TRPV4: variants seen among roughly 807,000 people sequenced by gnomAD.
TRPV4 encodes the protein OSM9-like transient receptor potential channel 4.
TRPV4 carries 58 observed loss-of-function variants against 84.1 expected under a neutral mutation model. The ratio of observed to expected loss-of-function variants is 0.69; its 90% CI spans 0.56 to 0.86. TRPV4 has a LOEUF of 0.86. Among genes scored for constraint, TRPV4 ranks in the 40% least tolerant of loss-of-function variants. The probability of loss-of-function intolerance (pLI) is 0.00; values close to 1 mark genes in which losing one functional copy is unlikely to be tolerated. For synonymous variants in TRPV4, 489 were observed against 500.9 expected, an observed-to-expected ratio of 0.98 and a Z score of 0.32; for missense variants, 879 against 1,181.1, an observed-to-expected ratio of 0.74 and a Z score of 3.75.
chr12:109,826,108 C>T (rs891410716), intron 1 of TRPV4, among the ~76,000 whole-genome samples: 2 of 152,194 alleles, frequency 1.3e-5, no homozygotes, highest in African/African-American at 2.4e-5. Context: ...ACTGCAGCCT[C>T]GACCTCCCAG....
chr12:109,813,745 GGATA>G (rs1043852489), intron 2 of TRPV4, among the ~76,000 whole-genome samples: 19 of 151,636 alleles, frequency 1.3e-4, no homozygotes, highest in African/African-American at 2.4e-4. Flanking sequence ...GATGATGGGT[GGATA>G]GATAGATGAT....
chr12:109,813,627 A>C (rs1484345290), intron 2 of TRPV4, among the ~76,000 whole-genome samples: 1 of 152,118 alleles, frequency 6.6e-6, no homozygotes, highest in African/African-American at 2.4e-5. Context: ...TGTCCTATGG[A>C]AGGGTGGACA....
chr12:109,808,557 G>A (rs1435255963), intron 2 of TRPV4, 89 bp from the exon 3 acceptor site: 1 of 1,343,952 alleles, frequency 7.4e-7, no homozygotes, highest in African/African-American at 1.5e-5. Context: ...AGACTGTGGT[G>A]GCGGGCAGGC....
In TRPV4 at chr12:109,796,420, T is replaced by C; in HGVS notation, c.1332+105A>G. 1 of 1,358,066 alleles carries C rather than the reference T, an allele frequency of 7.4e-7. No homozygotes were observed. The allele number at this position is 1,358,066 out of a possible 1,614,324, so 84.1% of individuals were successfully genotyped here. On this transcript the variant is annotated intron_variant, in intron 7 of 15. Transcript: ENST00000261740. This position sits in a 1 kb window ranked among gnomAD's most constrained non-coding sequence, Gnocchi z 4.2. ...CAGCCAACAGACCCACCACGTTGGG[T>C]CCTAGAGGCTGGGGCTGTCTCCCCC...
intron 3 of TRPV4, among the ~76,000 whole-genome samples, chr12:109,806,885 A>C (rs1215660600): frequency 6.6e-6 from 1 of 150,700 alleles, no homozygotes; most frequent in Non-Finnish European, 1.5e-5. Context: ...AAAAAAAAAA[A>C]AAAACAGGTT....
chr12:109,809,950 C>T (rs1226832867), intron 2 of TRPV4, among the ~76,000 whole-genome samples: 5 of 152,166 alleles, frequency 3.3e-5, no homozygotes, highest in African/African-American at 9.7e-5. Context: ...TTGATATTAC[C>T]ATTATTAATG....
At chr12:109,804,156 T>G (rs1030237287) in intron 3 of TRPV4, among the ~76,000 whole-genome samples, 5 of 152,356 alleles carry the variant, frequency 3.3e-5, no homozygotes, top group Non-Finnish European at 5.9e-5. Flanking sequence ...CTCCGTTTGG[T>G]ACTAGCGGGT....
intron 4 of TRPV4, among the ~76,000 whole-genome samples, chr12:109,801,723 G>C (rs904446048): frequency 2.0e-5 from 3 of 151,888 alleles, no homozygotes; most frequent in African/African-American, 7.3e-5. Flanking sequence ...CCAGCTACTT[G>C]GGAGGGTGAG....
At chr12:109,818,068 C>T (rs1592867886) in intron 1 of TRPV4, among the ~76,000 whole-genome samples, 2 of 151,700 alleles carry the variant, frequency 1.3e-5, no homozygotes, top group Non-Finnish European at 2.9e-5. Flanking sequence ...TGAGGTCACA[C>T]AGCAGGTTAG....
In TRPV4 at chr12:109,814,580, C is replaced by T. The variant is rs1319340710; in HGVS notation, c.217G>A (p.Gly73Ser). ...TTGGGCACCCCCTTGCGGAAGGCGC[C>T]CTGGAACTTCATGCGCAGATTTGGT... Reference protein sequence around the residue: ...GRPNLRMKFQGAFRKGVPNPI... With the variant: ...GRPNLRMKFQSAFRKGVPNPI... The change falls in exon 2 of 16, where the codon GGC becomes AGC. Residue 73 changes from glycine (G) to serine (S), a missense_variant. Transcript: ENST00000261740. This position sits in a 1 kb window ranked among gnomAD's most constrained non-coding sequence, Gnocchi z 5.4. The T allele has an allele frequency of 6.2e-7, 1 of 1,614,100 alleles. No homozygotes were observed. The highest frequency in any genetic ancestry group is 1.3e-5 in the African/African-American group (1 of 75,026).
intron 1 of TRPV4, chr12:109,832,855 T>G (rs2136737390): frequency 7.6e-6 from 1 of 131,674 alleles, no homozygotes; most frequent in Middle Eastern, 4.5e-3. Flanking sequence ...AGGGCAGAAC[T>G]AGAGGTTAAA....
chr12:109,819,549 G>A (rs113283333), intron 1 of TRPV4, among the ~76,000 whole-genome samples: 262 of 152,300 alleles, frequency 1.7e-3, no homozygotes, highest in African/African-American at 5.9e-3. Flanking sequence ...TCACAACAGC[G>A]TTCATTCAGA....
At chr12:109,807,276 C>CA (rs200798445) in intron 3 of TRPV4, among the ~76,000 whole-genome samples, 2,090 of 107,230 alleles carry the variant, frequency 0.019, 38 homozygotes, top group African/African-American at 0.045. Flanking sequence ...AACTCTGTCT[C>CA]AAAAAAAAAA....
In TRPV4 at chr12:109,794,146, T is replaced by C. The variant is rs1175066477; in HGVS notation, c.1492-124A>G. 3 of 1,121,122 alleles carry C rather than the reference T, an allele frequency of 2.7e-6. No homozygotes were observed. The East Asian group carries it at 7.7e-5, about 29-fold the overall frequency. The allele number at this position is 1,121,122 out of a possible 1,614,324, so 69.4% of individuals were successfully genotyped here. On this transcript the variant is annotated intron_variant, in intron 8 of 15. Coordinates refer to ENST00000261740, the MANE Select transcript of TRPV4 (RefSeq NM_021625.5). ...GGAGCCTCCTCCTTCACTCTCTTCC[T>C]CCTGAGTCTTCCTCCTCCCAGCTCA... is the stretch of plus-strand genomic sequence containing the variant.
At chr12:109,804,984 A>G (rs78756703) in intron 3 of TRPV4, among the ~76,000 whole-genome samples, 1,590 of 152,062 alleles carry the variant, frequency 0.01, 31 homozygotes, top group African/African-American at 0.036. Flanking sequence ...ACTGCAACTC[A>G]CTCAGACTCT....
intron 13 of TRPV4, among the ~76,000 whole-genome samples, chr12:109,787,858 AG>A (rs1889785772): frequency 6.6e-6 from 1 of 152,204 alleles, no homozygotes; most frequent in Non-Finnish European, 1.5e-5. Flanking sequence ...CTGTGATCCC[AG>A]GGCCTGTTCT....
chr12:109,802,727 A>G (rs1890875834), intron 4 of TRPV4, among the ~76,000 whole-genome samples: 1 of 151,534 alleles, frequency 6.6e-6, no homozygotes, highest in Non-Finnish European at 1.5e-5. Context: ...AAGTGCTGGG[A>G]TTACAGGTAA....
intron 5 of TRPV4, among the ~76,000 whole-genome samples, chr12:109,799,336 G>A (rs1592840197): frequency 6.6e-6 from 1 of 152,048 alleles, no homozygotes; most frequent in East Asian, 1.9e-4. Context: ...TTTAGTAGAG[G>A]CAGGATTTCG....
intron 1 of TRPV4, among the ~76,000 whole-genome samples, chr12:109,827,674 A>G (rs1892297112): frequency 1.3e-5 from 2 of 151,808 alleles, no homozygotes; most frequent in Non-Finnish European, 2.9e-5. Flanking sequence ...ACATACACAC[A>G]TGCACACATA....
Sources: allele counts gnomAD v4.1 joint callset (sites outside exome capture counted in the v4.1 genomes callset), GRCh38; gene constraint gnomAD v4.1.1; non-coding constraint Gnocchi (gnomAD v3.1); transcripts MANE v1.5; gene names NCBI Gene and HGNC (gene_info 2026-07-23, HGNC 2026-07-21).